MSI1: variants seen among roughly 807,000 people sequenced by gnomAD.
MSI1 encodes the protein RNA-binding protein Musashi homolog 1.
A neutral mutation model predicts 54.4 loss-of-function variants in MSI1; 15 were observed. The ratio of observed to expected loss-of-function variants is 0.28; its 90% confidence interval spans 0.18 to 0.42. The LOEUF (loss-of-function observed/expected upper bound fraction) is 0.42, where lower values mean the gene tolerates loss of function less well. Ranked by LOEUF, MSI1 falls within the 20% of genes least tolerant of loss-of-function variation. The pLI is 1.00. For synonymous variants in MSI1, 200 were observed against 196.5 expected (o/e 1.02, Z -0.15); for missense variants, 304 against 506.0 (o/e 0.60, Z 3.83).
At chr12:120,359,220 C>A (rs1490972885) in intron 6 of MSI1, among the ~76,000 whole-genome samples, 167 bp from the exon 7 acceptor site, 2 of 152,186 alleles carry the variant, frequency 1.3e-5, no homozygotes, top group East Asian at 3.8e-4. Flanking sequence ...CACTGAAAAC[C>A]CTTTTCAATC....
At chr12:120,364,610 A>G in intron 5 of MSI1, 104 bp downstream of exon 5, 3 of 1,157,330 alleles carry the variant, frequency 2.6e-6, no homozygotes, top group Non-Finnish European at 3.6e-6. Flanking sequence ...AAACACTCCA[A>G]GCAGAGGTTC....
intron 14 of MSI1, among the ~76,000 whole-genome samples, chr12:120,344,551 T>C (rs1873952511): frequency 6.6e-6 from 1 of 151,072 alleles, no homozygotes; most frequent in Non-Finnish European, 1.5e-5. Context: ...AAAAAAATTT[T>C]TTAAAAACTT....
chr12:120,348,937 G>A (rs926315989), intron 11 of MSI1, among the ~76,000 whole-genome samples: 1 of 151,734 alleles, frequency 6.6e-6, no homozygotes, highest in African/African-American at 2.4e-5. Flanking sequence ...TAGGGTCTTG[G>A]TATGTTGCCC....
intron 12 of MSI1, among the ~76,000 whole-genome samples, chr12:120,347,054 A>G (rs1257136901): frequency 1.3e-5 from 2 of 151,800 alleles, no homozygotes; most frequent in Admixed American, 1.3e-4. Context: ...GGTTCAAGCG[A>G]TTCTCCTGCC....
At chr12:120,351,080 C>CGAGA (rs1021672463) in intron 11 of MSI1, among the ~76,000 whole-genome samples, 1 of 152,082 alleles carries the variant, frequency 6.6e-6, no homozygotes, top group Non-Finnish European at 1.5e-5. Context: ...GCCTGGCACA[C>CGAGA]GAGAGGTGCT....
At chr12:120,356,819 G>A (rs983391735) in intron 9 of MSI1, 83 bp downstream of exon 9, 2 of 1,210,042 alleles carry the variant, frequency 1.7e-6, no homozygotes, top group Admixed American at 3.4e-5. Context: ...AGACCACAGG[G>A]GAGGTGCAAC....
intron 4 of MSI1, among the ~76,000 whole-genome samples, chr12:120,365,202 C>T (rs529013429): frequency 1.2e-4 from 19 of 152,294 alleles, no homozygotes; most frequent in South Asian, 2.1e-4. Context: ...CGAGTCACCA[C>T]GCCCAGCCAG....
Position 120,354,862 on chromosome 12 carries a change from G to A in MSI1, c.653-1483C>T, listed in dbSNP as rs139931317. On this transcript the variant is annotated intron_variant, in intron 9 of 14. Transcript: ENST00000257552. ...AACTACAATACCTGATTCTAGCCTG[G>A]ATCTTATTCTGAAGGACAAAAATAT... Among the ~76,000 whole-genome samples the A allele has an allele frequency of 2.6e-3, 397 of 152,002 alleles. 2 individuals carry two copies. Among genetic ancestry groups the A allele is most frequent in the African/African-American group, 8.9e-3 (369 of 41,470 alleles).
At chr12:120,360,214 G>A (rs567592248) in intron 6 of MSI1, among the ~76,000 whole-genome samples, 11 of 152,104 alleles carry the variant, frequency 7.2e-5, no homozygotes, top group African/African-American at 2.6e-4. Flanking sequence ...CGAACTCCTG[G>A]CCTCAAGTGA....
intron 9 of MSI1, 83 bp from the exon 10 acceptor site, chr12:120,353,462 C>T (rs753665558): frequency 8.4e-7 from 1 of 1,193,200 alleles, no homozygotes; most frequent in African/African-American, 1.5e-5. Context: ...CCACTCATGT[C>T]CCCTCACCTT....
intron 6 of MSI1, among the ~76,000 whole-genome samples, chr12:120,360,953 C>T (rs972700870): frequency 6.6e-6 from 1 of 152,064 alleles, no homozygotes; most frequent in African/African-American, 2.4e-5. Flanking sequence ...CCAAGCCTGG[C>T]TATGAGAGGA....
chr12:120,369,061 C>T lies in MSI1; in HGVS notation c.31G>A (p.Ala11Thr), dbSNP rs1188321039. 4.9e-6 allele frequency: 5 copies of T among 1,024,562 alleles called. No individual in the cohort carries two copies. The highest frequency in any genetic ancestry group is 1.7e-5 in the African/African-American group (1 of 57,366). The allele number at this position is 1,024,562 out of a possible 1,614,324, so 63.5% of individuals were successfully genotyped here. METDAPQPGL[A>T]SPDSPHDPCK... is the part of the protein sequence containing the mutation. ...GGGTCGTGCGGCGAGTCCGGGGAGG[C>T]GAGGCCGGGCTGGGGCGCGTCAGTC... is the stretch of plus-strand genomic sequence containing the variant. Residue 11 changes from alanine (A) to threonine (T), a missense_variant, in exon 1 of 15, where the codon GCC becomes ACC. Transcript: ENST00000257552.
chr12:120,366,078 G>A (rs1876000440), intron 4 of MSI1, among the ~76,000 whole-genome samples: 1 of 152,212 alleles, frequency 6.6e-6, no homozygotes. Flanking sequence ...GCAAAAGACA[G>A]GGCATGAGAC....
At chr12:120,359,103 C>T in intron 6 of MSI1, 50 bp from the exon 7 acceptor site, 1 of 1,550,568 alleles carries the variant, frequency 6.4e-7, no homozygotes, top group Non-Finnish European at 8.7e-7. Context: ...GCGGAACCCA[C>T]TACCACCAAG....
Position 120,368,188 on chromosome 12 carries a change from T to C in MSI1, c.182+4A>G. 6.3e-7 allele frequency: 1 copy of C among 1,580,656 alleles called. No individual in the cohort carries two copies. On this transcript the variant is annotated splice_donor_region_variant and intron_variant, in intron 3 of 14. Transcript: ENST00000257552. This position sits in a 1 kb window ranked among gnomAD's most constrained non-coding sequence, Gnocchi z 6.6. Reference sequence around the variant, plus strand: ...GGAGCAGGAGGAGGGGGTGAGGGGCTCACCTGGATCTCTTGGTCAGGGGGT... The same window carrying C: ...GGAGCAGGAGGAGGGGGTGAGGGGCCCACCTGGATCTCTTGGTCAGGGGGT...
In MSI1 at chr12:120,345,513, G is replaced by T; in HGVS notation, c.*21+57C>A. ...TGGGGTCTGTGTCCCAGATTCGATG[G>T]CCCAGGACAGGCTTCCCCAGTGCCA... On this transcript the variant is annotated intron_variant, in intron 14 of 14. Coordinates refer to ENST00000257552, the MANE Select transcript of MSI1 (RefSeq NM_002442.4). 10 of 1,514,410 alleles carry T rather than the reference G, an allele frequency of 6.6e-6. No homozygotes were observed. In the South Asian group the frequency reaches 1.1e-4, roughly 17 times the overall value. 93.8% of individuals were successfully genotyped at this position (1,514,410 alleles called of 1,614,324 possible).
At position 120,369,155 on chromosome 12, in the gene MSI1, C is replaced by T; in HGVS notation, c.-64G>A. On this transcript the variant is annotated 5_prime_UTR_variant, in exon 1 of 15. Coordinates refer to ENST00000257552, the MANE Select transcript of MSI1 (RefSeq NM_002442.4). ...GCGGCGGCGGCGGCGGCGCTCGGCGCGGGGCAGATGAGGAGCGCGGCGAAG... is the reference window on the plus strand; with the variant it reads ...GCGGCGGCGGCGGCGGCGCTCGGCGTGGGGCAGATGAGGAGCGCGGCGAAG... 1.0e-6 allele frequency: 1 copy of T among 998,508 alleles called. No homozygotes were observed. Among genetic ancestry groups the T allele is most frequent in the Non-Finnish European group, 1.2e-6 (1 of 843,484 alleles). 61.9% of individuals were successfully genotyped at this position (998,508 alleles called of 1,614,324 possible).
At chr12:120,357,608 C>A (rs138398871) in intron 8 of MSI1, among the ~76,000 whole-genome samples, 3 of 152,174 alleles carry the variant, frequency 2.0e-5, no homozygotes, top group Non-Finnish European at 2.9e-5. Context: ...CGGGTTCAAG[C>A]GATTCTCCTG....
At chr12:120,350,409 G>C (rs1454795846) in intron 11 of MSI1, among the ~76,000 whole-genome samples, 1 of 152,120 alleles carries the variant, frequency 6.6e-6, no homozygotes, top group Non-Finnish European at 1.5e-5. Flanking sequence ...CCTCTTTTCA[G>C]GGAAGAGCCT....
Sources: allele counts gnomAD v4.1 joint callset (sites outside exome capture counted in the v4.1 genomes callset), GRCh38; gene constraint gnomAD v4.1.1; non-coding constraint Gnocchi (gnomAD v3.1); transcripts MANE v1.5; gene names NCBI Gene and HGNC (gene_info 2026-07-23, HGNC 2026-07-21).